Variants in PDGFC observed in about 807,000 individuals in gnomAD.
The protein encoded by PDGFC is platelet derived growth factor C, also known as platelet-derived growth factor C.
A neutral mutation model predicts 35.5 loss-of-function variants in PDGFC; 12 were observed. The ratio of observed to expected loss-of-function variants is 0.34; its 90% CI spans 0.22 to 0.55. The LOEUF is 0.55. Among genes scored for constraint, PDGFC ranks in the 20% least tolerant of loss-of-function variants. The pLI is 0.91. For missense variants in PDGFC, 322 were observed against 412.4 expected (o/e 0.78, Z 1.90); for synonymous variants, 159 against 148.8 (o/e 1.07, Z -0.50).
At chr4:156,810,282 G>T (rs1414407878) in intron 3 of PDGFC, among the ~76,000 whole-genome samples, 1 of 151,654 alleles carries the variant, frequency 6.6e-6, no homozygotes, top group African/African-American at 2.4e-5. Flanking sequence ...AATATATACT[G>T]GCAAAAAGTA....
chr4:156,765,864 T>C (rs1444560469), intron 5 of PDGFC, among the ~76,000 whole-genome samples: 1 of 152,096 alleles, frequency 6.6e-6, no homozygotes, highest in Non-Finnish European at 1.5e-5. Flanking sequence ...GCAGCTAATA[T>C]ATATTAATGG....
chr4:156,808,023 G>A (rs958440878), intron 3 of PDGFC, among the ~76,000 whole-genome samples: 6 of 151,984 alleles, frequency 3.9e-5, no homozygotes, highest in African/African-American at 9.7e-5. Context: ...CAATTATTTA[G>A]CTAATGCAAG....
chr4:156,761,483 T>C lies in PDGFC; in HGVS notation c.*1607A>G, dbSNP rs948595713. ...ATTGGAAACAAGAGGCAGAGAAGGC[T>C]CACAGGTATCTTCCCTTTTTTTGTC... On this transcript the variant is annotated 3_prime_UTR_variant, in exon 6 of 6. Coordinates refer to ENST00000502773, the MANE Select transcript of PDGFC (RefSeq NM_016205.3). The C allele has an allele frequency of 6.6e-6, 1 of 152,188 alleles. No homozygotes were observed. The highest frequency in any genetic ancestry group is 2.4e-5 in the African/African-American group (1 of 41,444). 9.4% of individuals were successfully genotyped at this position (152,188 alleles called of 1,614,324 possible).
chr4:156,887,809 T>C (rs1730410627), intron 1 of PDGFC, among the ~76,000 whole-genome samples: 1 of 151,360 alleles, frequency 6.6e-6, no homozygotes, highest in Non-Finnish European at 1.5e-5. Flanking sequence ...AGCTCAAGAG[T>C]GCAACATGGC....
intron 1 of PDGFC, among the ~76,000 whole-genome samples, chr4:156,859,390 T>C (rs575327575): frequency 3.1e-4 from 47 of 152,212 alleles, no homozygotes; most frequent in African/African-American, 1.1e-3. Flanking sequence ...ACAAATCATG[T>C]CCTTCTATCT....
chr4:156,870,094 A>G (rs1383843941), intron 1 of PDGFC, among the ~76,000 whole-genome samples: 1 of 152,028 alleles, frequency 6.6e-6, no homozygotes, highest in Non-Finnish European at 1.5e-5. Context: ...TCTCTGTTTC[A>G]TGTATCACAA....
intron 1 of PDGFC, among the ~76,000 whole-genome samples, chr4:156,886,237 C>T (rs1167438865): frequency 6.6e-6 from 1 of 152,058 alleles, no homozygotes; most frequent in Non-Finnish European, 1.5e-5. Flanking sequence ...GGTGTAATAA[C>T]ATTGTGGGAA....
At chr4:156,928,758 C>A (rs1395175997) in intron 1 of PDGFC, among the ~76,000 whole-genome samples, 1 of 152,152 alleles carries the variant, frequency 6.6e-6, no homozygotes, top group Non-Finnish European at 1.5e-5. Context: ...GTATACAACT[C>A]CTGAAGAACA....
chr4:156,778,666 C>T (rs1055988049), intron 3 of PDGFC, among the ~76,000 whole-genome samples: 1 of 152,174 alleles, frequency 6.6e-6, no homozygotes, highest in Non-Finnish European at 1.5e-5. Flanking sequence ...TCAGTCATTA[C>T]TTACCTCTAA....
intron 3 of PDGFC, among the ~76,000 whole-genome samples, chr4:156,782,730 CAT>C (rs1731016449): frequency 6.6e-6 from 1 of 152,136 alleles, no homozygotes; most frequent in South Asian, 2.1e-4. Context: ...CAACAGAGAA[CAT>C]AGAATATTTT....
intron 3 of PDGFC, among the ~76,000 whole-genome samples, chr4:156,807,350 G>A (rs1046885155): frequency 6.6e-6 from 1 of 151,850 alleles, no homozygotes; most frequent in Non-Finnish European, 1.5e-5. Flanking sequence ...AAAAAATGGA[G>A]AGAGAAATTT....
chr4:156,920,871 T>C (rs1401893193), intron 1 of PDGFC, among the ~76,000 whole-genome samples: 1 of 152,200 alleles, frequency 6.6e-6, no homozygotes, highest in East Asian at 1.9e-4. Flanking sequence ...ATTTTGAATA[T>C]GCCAAGGTAG....
intron 1 of PDGFC, among the ~76,000 whole-genome samples, chr4:156,966,339 A>C (rs1352327745): frequency 6.6e-6 from 1 of 152,196 alleles, no homozygotes; most frequent in East Asian, 1.9e-4. Context: ...AATGCTTCCA[A>C]ATTAGAAACA....
intron 3 of PDGFC, among the ~76,000 whole-genome samples, chr4:156,782,576 T>C (rs917353746): frequency 4.7e-4 from 71 of 152,324 alleles, no homozygotes; most frequent in African/African-American, 1.7e-3. Context: ...TTAGTACTCA[T>C]GCACAGATCT....
intron 1 of PDGFC, among the ~76,000 whole-genome samples, chr4:156,887,435 T>C (rs1432840616): frequency 6.6e-6 from 1 of 152,172 alleles, no homozygotes; most frequent in African/African-American, 2.4e-5. Flanking sequence ...TTTCATTAAA[T>C]ATGAAAATTA....
In PDGFC at chr4:156,767,829, G is replaced by A; in HGVS notation, c.865C>T (p.His289Tyr). ...RCGGNCACCL[H>Y]NCNECQCVPS... ...ACACATTGACATTCATTGCAATTGTGGAGACAACAGGCACAGTTCCCACCA... is the reference window on the plus strand; with the variant it reads ...ACACATTGACATTCATTGCAATTGTAGAGACAACAGGCACAGTTCCCACCA... The change falls in exon 5 of 6, where the codon CAC becomes TAC. Residue 289 changes from histidine to tyrosine, a missense_variant. Coordinates refer to ENST00000502773, the MANE Select transcript of PDGFC (RefSeq NM_016205.3). 6.2e-7 allele frequency: 1 copy of A among 1,613,258 alleles called. No homozygotes were observed. The highest frequency in any genetic ancestry group is 8.5e-7 in the Non-Finnish European group (1 of 1,179,420).
chr4:156,776,527 G>A (rs1730835343), intron 3 of PDGFC, among the ~76,000 whole-genome samples: 1 of 152,234 alleles, frequency 6.6e-6, no homozygotes, highest in South Asian at 2.1e-4. Context: ...GGGCAGTAAT[G>A]ACAAGCTTGG....
chr4:156,945,342 CAT>C (rs201167463), intron 1 of PDGFC, among the ~76,000 whole-genome samples: 3,975 of 80,230 alleles, frequency 0.05, 229 homozygotes, highest in Admixed American at 0.084. Context: ...CATATACATA[CAT>C]ATATATATAT....
chr4:156,847,928 C>G (rs1454517627), intron 2 of PDGFC, among the ~76,000 whole-genome samples: 1 of 151,652 alleles, frequency 6.6e-6, no homozygotes, highest in Non-Finnish European at 1.5e-5. Context: ...GAAACCCGAT[C>G]TGCAAGTCAG....
Sources: gnomAD v4.1 joint callset for allele counts (sites outside exome capture counted in the v4.1 genomes callset) on GRCh38, gnomAD v4.1.1 for gene constraint, MANE v1.5 for transcripts, NCBI Gene and HGNC (gene_info 2026-07-23, HGNC 2026-07-21) for gene names.